The following OXR1 variants were observed in gnomAD, a reference collection of about 807,000 sequenced individuals.
OXR1 encodes oxidation resistance protein 1.
OXR1 carries 41 observed loss-of-function variants against 104.6 expected under a neutral mutation model. That is an observed-to-expected ratio of 0.39 (90% CI 0.31 to 0.51). The LOEUF is 0.51. Ranked by LOEUF, OXR1 falls within the 20% of genes least tolerant of loss-of-function variation. The probability of loss-of-function intolerance (pLI) is 0.77; values close to 1 mark genes in which losing one functional copy is unlikely to be tolerated. For synonymous variants in OXR1, 348 were observed against 348.4 expected (o/e 1.00, Z 0.01); for missense variants, 955 against 1,031.9 (o/e 0.93, Z 1.02).
chr8:106,272,379 A>G (rs1290923887), intron 1 of OXR1: 1 of 152,274 alleles, frequency 6.6e-6, no homozygotes, highest in East Asian at 1.9e-4. Flanking sequence ...GGAAGGATGC[A>G]AAGAAGGGAG....
intron 1 of OXR1, among the ~76,000 whole-genome samples, chr8:106,292,262 G>A (rs543986413): frequency 6.6e-6 from 1 of 152,342 alleles, no homozygotes; most frequent in East Asian, 1.9e-4. Context: ...AAGCTGGAAA[G>A]TGCTTCCTTT....
intron 7 of OXR1, 139 bp from the exon 8 acceptor site, chr8:106,702,767 T>C: frequency 1.7e-6 from 1 of 596,054 alleles, no homozygotes; most frequent in South Asian, 3.8e-5. Flanking sequence ...ATAAAAATGG[T>C]TTCATGAGAA....
chr8:106,630,545 T>C (rs1822588410), intron 3 of OXR1, among the ~76,000 whole-genome samples: 1 of 152,214 alleles, frequency 6.6e-6, no homozygotes, highest in Non-Finnish European at 1.5e-5. Flanking sequence ...TCTTTGTCTT[T>C]TCACTTACTA....
intron 3 of OXR1, among the ~76,000 whole-genome samples, chr8:106,653,032 A>C (rs1824728727): frequency 6.7e-6 from 1 of 150,292 alleles, no homozygotes; most frequent in East Asian, 1.9e-4. Flanking sequence ...ATTCCTAGAA[A>C]GACAAAACTA....
At chr8:106,636,323 T>A (rs1823131453) in intron 3 of OXR1, among the ~76,000 whole-genome samples, 1 of 152,202 alleles carries the variant, frequency 6.6e-6, no homozygotes, top group Non-Finnish European at 1.5e-5. Flanking sequence ...TCATTTTTTT[T>A]TTTTTATTTC....
chr8:106,621,557 C>T (rs1821705118), intron 3 of OXR1, among the ~76,000 whole-genome samples: 1 of 149,814 alleles, frequency 6.7e-6, no homozygotes, highest in African/African-American at 2.5e-5. Flanking sequence ...CTTTAAAAGA[C>T]AGGATACTTC....
At chr8:106,617,471 A>G (rs1167255334) in intron 3 of OXR1, among the ~76,000 whole-genome samples, 2 of 152,068 alleles carry the variant, frequency 1.3e-5, no homozygotes, top group African/African-American at 2.4e-5. Flanking sequence ...GAAGGAAGTT[A>G]TTACTACTTT....
chr8:106,511,678 T>C (rs569338981), intron 2 of OXR1, among the ~76,000 whole-genome samples: 62 of 152,320 alleles, frequency 4.1e-4, no homozygotes, highest in Non-Finnish European at 8.2e-4. Flanking sequence ...GAAATGAACA[T>C]ATTTTATGTT....
intron 11 of OXR1, among the ~76,000 whole-genome samples, chr8:106,722,732 G>A (rs1832925458): frequency 6.6e-6 from 1 of 152,124 alleles, no homozygotes. Flanking sequence ...ATTTAGGTTT[G>A]TGTAAGTACA....
At chr8:106,660,670 A>G (rs1247881768) in intron 3 of OXR1, among the ~76,000 whole-genome samples, 6 of 152,166 alleles carry the variant, frequency 3.9e-5, no homozygotes, top group Admixed American at 3.3e-4. Flanking sequence ...AATGATGTTG[A>G]TAAGATAGTT....
At chr8:106,479,369 A>G (rs1438887941) in intron 2 of OXR1, among the ~76,000 whole-genome samples, 1 of 152,004 alleles carries the variant, frequency 6.6e-6, no homozygotes, top group Non-Finnish European at 1.5e-5. Flanking sequence ...TTCAATTCCC[A>G]TTAACATAGT....
intron 2 of OXR1, among the ~76,000 whole-genome samples, chr8:106,502,836 C>T (rs1357538033): frequency 6.6e-6 from 1 of 152,110 alleles, no homozygotes; most frequent in Non-Finnish European, 1.5e-5. Context: ...TGTAATTATT[C>T]TCAATACCAA....
At chr8:106,419,866 A>C (rs905480722) in intron 2 of OXR1, among the ~76,000 whole-genome samples, 1 of 152,148 alleles carries the variant, frequency 6.6e-6, no homozygotes, top group African/African-American at 2.4e-5. Context: ...CTCTGCATTC[A>C]AACTTTTTTC....
At chr8:106,466,318 T>C (rs1821167203) in intron 2 of OXR1, among the ~76,000 whole-genome samples, 1 of 151,894 alleles carries the variant, frequency 6.6e-6, no homozygotes, top group South Asian at 2.1e-4. Flanking sequence ...TATTATTGTT[T>C]TGAAATATGG....
At chr8:106,648,864 TA>T (rs1181194544) in intron 3 of OXR1, among the ~76,000 whole-genome samples, 2 of 152,156 alleles carry the variant, frequency 1.3e-5, no homozygotes, top group Non-Finnish European at 2.9e-5. Context: ...TAGAAATTGA[TA>T]TGGAAAGGTG....
rs184848616 is a variant in OXR1, at chr8:106,705,362, T to C, written c.861-1020T>C. Among the ~76,000 whole-genome samples, 280 of 152,252 alleles carry C rather than the reference T, an allele frequency of 1.8e-3. 2 individuals are homozygous for C. Among genetic ancestry groups the C allele is most frequent in the African/African-American group, 6.4e-3 (268 of 41,574 alleles). The stretch of plus-strand genomic sequence containing the variant: ...CTTCAACTAATTAATACTTCAAAAA[T>C]TTATCCATCCTAGTTATAGAAATTA... On this transcript the variant is annotated intron_variant, in intron 8 of 16. Transcript: ENST00000517566.
At chr8:106,535,886 C>G (rs1160326068) in intron 3 of OXR1, among the ~76,000 whole-genome samples, 1 of 152,040 alleles carries the variant, frequency 6.6e-6, no homozygotes, top group Non-Finnish European at 1.5e-5. Flanking sequence ...AATGTGTGAA[C>G]TATTTTCCTT....
chr8:106,599,523 A>C (rs1586875261), intron 3 of OXR1, among the ~76,000 whole-genome samples: 1 of 152,220 alleles, frequency 6.6e-6, no homozygotes, highest in Non-Finnish European at 1.5e-5. Flanking sequence ...ATTGTTGTCA[A>C]ATTTCTTACT....
chr8:106,489,065 G>A (rs1810899171), intron 2 of OXR1, among the ~76,000 whole-genome samples: 3 of 149,762 alleles, frequency 2.0e-5, no homozygotes, highest in Non-Finnish European at 1.5e-5. Flanking sequence ...AGCATGGAAT[G>A]TTCTTCCATT....
Sources: allele counts gnomAD v4.1 joint callset (sites outside exome capture counted in the v4.1 genomes callset), GRCh38; gene constraint gnomAD v4.1.1; transcripts MANE v1.5; gene names NCBI Gene and HGNC (gene_info 2026-07-23, HGNC 2026-07-21).